The following ADCY8 variants were observed in gnomAD, a reference collection of about 807,000 sequenced individuals.
ADCY8 encodes the protein adenylate cyclase type 8.
ADCY8 carries 51 observed loss-of-function variants against 119.7 expected under a neutral mutation model. The ratio of observed to expected loss-of-function variants is 0.43; its 90% confidence interval spans 0.34 to 0.54. The LOEUF is 0.54. Ranked by LOEUF, ADCY8 falls within the 20% of genes least tolerant of loss-of-function variation. ADCY8 has a pLI of 0.03. For synonymous variants in ADCY8, 665 were observed against 651.0 expected (o/e 1.02, Z -0.33); for missense variants, 1,383 against 1,598.8 (o/e 0.87, Z 2.30).
intron 13 of ADCY8, among the ~76,000 whole-genome samples, chr8:130,815,348 G>A (rs547228249): frequency 2.1e-4 from 32 of 152,298 alleles, no homozygotes; most frequent in African/African-American, 6.5e-4. Context: ...GTAGTAACAG[G>A]TTTGGCACAG....
chr8:130,830,532 G>T (rs1013725953), intron 12 of ADCY8, among the ~76,000 whole-genome samples: 12 of 152,078 alleles, frequency 7.9e-5, no homozygotes, highest in Non-Finnish European at 1.6e-4. Flanking sequence ...TCTCAATAGA[G>T]AGAGAGCTGT....
intron 2 of ADCY8, among the ~76,000 whole-genome samples, chr8:130,983,130 T>G (rs1563755011): frequency 1.3e-5 from 2 of 152,146 alleles, no homozygotes; most frequent in African/African-American, 4.8e-5. Flanking sequence ...AAAAGAGAGT[T>G]ACTGAAAAAT....
At chr8:130,961,428 T>C (rs1225435713) in intron 2 of ADCY8, among the ~76,000 whole-genome samples, 1 of 151,972 alleles carries the variant, frequency 6.6e-6, no homozygotes, top group African/African-American at 2.4e-5. Flanking sequence ...TAAATCTTCA[T>C]AAATCTCTTC....
intron 7 of ADCY8, among the ~76,000 whole-genome samples, chr8:130,885,971 C>G (rs1477595771): frequency 6.6e-6 from 1 of 151,920 alleles, no homozygotes; most frequent in Non-Finnish European, 1.5e-5. Context: ...TATCGATGAG[C>G]CTCAGAGAGA....
intron 1 of ADCY8, among the ~76,000 whole-genome samples, chr8:131,037,625 T>A (rs764854549): frequency 2.6e-5 from 4 of 151,400 alleles, no homozygotes; most frequent in Non-Finnish European, 5.9e-5. Context: ...TCATAGTGAG[T>A]TAGATGAAAA....
intron 14 of ADCY8, among the ~76,000 whole-genome samples, chr8:130,801,243 C>G (rs1294881555): frequency 6.6e-6 from 1 of 152,108 alleles, no homozygotes; most frequent in Non-Finnish European, 1.5e-5. Flanking sequence ...ACCTTCAGAT[C>G]TCCACTTAAC....
intron 1 of ADCY8, among the ~76,000 whole-genome samples, chr8:131,038,083 G>A (rs1401449582): frequency 2.0e-5 from 3 of 152,142 alleles, no homozygotes; most frequent in African/African-American, 7.2e-5. Context: ...CCTGAGCAAA[G>A]GAATATAGAA....
chr8:130,871,039 A>T (rs898032891), intron 8 of ADCY8, among the ~76,000 whole-genome samples: 1 of 152,214 alleles, frequency 6.6e-6, no homozygotes, highest in Non-Finnish European at 1.5e-5. Context: ...TGTGAAGTTG[A>T]CATCATCAAA....
At chr8:130,851,286 C>T (rs746574851) in intron 9 of ADCY8, among the ~76,000 whole-genome samples, 20 of 151,952 alleles carry the variant, frequency 1.3e-4, no homozygotes, top group East Asian at 5.8e-4. Flanking sequence ...TATAATATTC[C>T]GGGATCTATA....
At position 131,040,056 on chromosome 8, in the gene ADCY8, G is replaced by A. The variant is rs1037873832; in HGVS notation, c.278C>T (p.Ser93Leu). 12 of 1,545,400 alleles carry A rather than the reference G, an allele frequency of 7.8e-6. No homozygotes were observed. In the African/African-American group the frequency reaches 1.4e-4, roughly 18 times the overall value. ...LSGDSALPLY[S>L]LGPGERAHST... ...GTGCGCTCGCTCTCCCGGGCCCAGC[G>A]AGTAGAGGGGCAGCGCCGAGTCGCC... is the stretch of plus-strand genomic sequence containing the variant. Residue 93 changes from serine to leucine, a missense_variant, in exon 1 of 18, where the codon TCG becomes TTG. Physicochemically the swap from Ser to Leu is moderately radical, Grantham distance 145. Transcript: ENST00000286355.
At chr8:130,828,834 G>A (rs1816742643) in intron 12 of ADCY8, among the ~76,000 whole-genome samples, 1 of 152,158 alleles carries the variant, frequency 6.6e-6, no homozygotes, top group African/African-American at 2.4e-5. Context: ...TTTTAAGTTT[G>A]GAAGTTAACC....
At chr8:130,817,671 T>A (rs1017206589) in intron 13 of ADCY8, among the ~76,000 whole-genome samples, 1 of 152,120 alleles carries the variant, frequency 6.6e-6, no homozygotes, top group Non-Finnish European at 1.5e-5. Flanking sequence ...TGGTAAAATG[T>A]GTAAATTCAA....
chr8:130,879,097 C>T (rs1818670269), intron 8 of ADCY8, among the ~76,000 whole-genome samples: 1 of 152,154 alleles, frequency 6.6e-6, no homozygotes, highest in Non-Finnish European at 1.5e-5. Flanking sequence ...GGCTTGGAAA[C>T]ATCCATAAGT....
intron 15 of ADCY8, among the ~76,000 whole-genome samples, chr8:130,795,077 C>T (rs1226717262): frequency 2.6e-5 from 4 of 152,064 alleles, no homozygotes; most frequent in Admixed American, 2.6e-4. Context: ...AATAAAAACC[C>T]CACAGTATAC....
At chr8:130,875,650 T>C (rs1818532480) in intron 8 of ADCY8, among the ~76,000 whole-genome samples, 1 of 152,218 alleles carries the variant, frequency 6.6e-6, no homozygotes, top group South Asian at 2.1e-4. Flanking sequence ...TATTATTTTA[T>C]ACTAATCATT....
At position 130,922,737 on chromosome 8, in the gene ADCY8, C is replaced by T. The variant is rs569654152; in HGVS notation, c.1482-12871G>A. On this transcript the variant is annotated intron_variant, in intron 5 of 17. Coordinates refer to ENST00000286355, the MANE Select transcript of ADCY8 (RefSeq NM_001115.3). ...TGAGCTGTTGGGTACACCTCGCAGA[C>T]GGGGTGGTGGCCGGGCAGATAAATT... is the stretch of plus-strand genomic sequence containing the variant. 1.3e-3 allele frequency among the ~76,000 whole-genome samples: 204 copies of T among 152,224 alleles called. 1 individual carries two copies. Among genetic ancestry groups the T allele is most frequent in the Middle Eastern group, 3.4e-3 (1 of 294 alleles).
In ADCY8 at chr8:130,904,979, C is replaced by T. The variant is rs139681554; in HGVS notation, c.1641-937G>A. On this transcript the variant is annotated intron_variant, in intron 6 of 17. Transcript: ENST00000286355. The stretch of plus-strand genomic sequence containing the variant: ...ATTGCTAGATCTCCTAGATTCAAAC[C>T]GTAGCTCTGCCACTTGCCAGCTGAG... Among the ~76,000 whole-genome samples the T allele has an allele frequency of 1.7e-3, 254 of 152,224 alleles. 7 individuals are homozygous for T. The East Asian group carries it at 0.033, about 20-fold the overall frequency.
chr8:130,899,800 C>G (rs767494864), intron 7 of ADCY8, among the ~76,000 whole-genome samples: 1 of 152,084 alleles, frequency 6.6e-6, no homozygotes, highest in Non-Finnish European at 1.5e-5. Context: ...TGATAAGGAT[C>G]CTGTTCTTAT....
intron 7 of ADCY8, among the ~76,000 whole-genome samples, chr8:130,902,354 C>T (rs1819630210): frequency 6.6e-6 from 1 of 152,122 alleles, no homozygotes; most frequent in East Asian, 1.9e-4. Flanking sequence ...ACCATGCACA[C>T]CAACTCAGAG....
Sources: gnomAD v4.1 joint callset for allele counts (sites outside exome capture counted in the v4.1 genomes callset) on GRCh38, gnomAD v4.1.1 for gene constraint, MANE v1.5 for transcripts, NCBI Gene and HGNC (gene_info 2026-07-23, HGNC 2026-07-21) for gene names.